IQCH: variants seen among roughly 807,000 people sequenced by gnomAD.
IQCH encodes the protein IQ motif containing H, also known as IQ domain-containing protein H.
Under a neutral mutation model 117.0 loss-of-function variants are expected in IQCH, and 98 were observed. That is an observed-to-expected ratio of 0.84 (90% confidence interval 0.71 to 0.99). The LOEUF (loss-of-function observed/expected upper bound fraction) is 0.99, where lower values mean the gene tolerates loss of function less well. Ranked by LOEUF, IQCH falls within the 50% of genes least tolerant of loss-of-function variation. The pLI is 0.00. For missense variants in IQCH, 1,102 were observed against 1,243.8 expected (o/e 0.89, Z 1.72); for synonymous variants, 412 against 448.2 (o/e 0.92, Z 1.02).
Position 67,469,360 on chromosome 15 carries a change from C to A in IQCH, c.2676+4063C>A, listed in dbSNP as rs947485702. On this transcript the variant is annotated intron_variant, in intron 17 of 20. Transcript: ENST00000335894. ...ACGGGGCCTACAGAAAGGGACTCTGCACCAAGCCTGGCCCAGGCAGCCTCA... is the reference window on the plus strand; with the variant it reads ...ACGGGGCCTACAGAAAGGGACTCTGAACCAAGCCTGGCCCAGGCAGCCTCA... 1.8e-4 allele frequency among the ~76,000 whole-genome samples: 27 copies of A among 152,152 alleles called. 1 individual carries two copies. Among genetic ancestry groups the A allele is most frequent in the African/African-American group, 6.0e-4 (25 of 41,428 alleles).
chr15:67,442,382 C>T lies in IQCH; in HGVS notation c.2505+20805C>T, dbSNP rs576130052. ...CCAAGATCACGCCATTGCACTCCAG[C>T]GTGGGCAACAGGAGCGAAACTCCAT... On this transcript the variant is annotated intron_variant, in intron 16 of 20. Coordinates refer to ENST00000335894, the MANE Select transcript of IQCH (RefSeq NM_001031715.3). Among the ~76,000 whole-genome samples the T allele has an allele frequency of 4.6e-5, 7 of 151,334 alleles. No individual in the cohort carries two copies. The East Asian group carries it at 1.2e-3, about 25-fold the overall frequency.
In IQCH at chr15:67,395,702, CTTTATTTA is replaced by C. The variant is rs66772420; in HGVS notation, c.1905+167_1905+174del. ...ATTTGAGTTGATTTGAGGGAATCTA[CTTTATTTA>C]TTTATTTATTTATTTATTTATTTAT... is the stretch of plus-strand genomic sequence containing the variant. On this transcript the variant is annotated intron_variant, in intron 13 of 20. Coordinates refer to ENST00000335894, the MANE Select transcript of IQCH (RefSeq NM_001031715.3). The surrounding 1 kb of genome is among the most constrained non-coding windows in gnomAD (Gnocchi z 4.0). 2.4e-4 allele frequency: 59 copies of C among 241,912 alleles called. 2 individuals carry two copies. Among genetic ancestry groups the C allele is most frequent in the Middle Eastern group, 1.3e-3 (1 of 768 alleles). 15.0% of individuals were successfully genotyped at this position (241,912 alleles called of 1,614,324 possible). A position where few individuals can be genotyped will look rare whatever the true frequency, so the allele number is the denominator to read the frequency against.
At chr15:67,256,785 A>G (rs979434115) in intron 1 of IQCH, among the ~76,000 whole-genome samples, 11 of 152,166 alleles carry the variant, frequency 7.2e-5, no homozygotes, top group Non-Finnish European at 1.3e-4. Context: ...CTGCACCCCT[A>G]CTTATTTAAA....
At chr15:67,320,370 A>G (rs780870155) in intron 4 of IQCH, among the ~76,000 whole-genome samples, 35 of 152,242 alleles carry the variant, frequency 2.3e-4, no homozygotes, top group African/African-American at 8.0e-4. Flanking sequence ...TCTTTCTTAG[A>G]TCTTAACTGA....
Position 67,431,174 on chromosome 15 carries a change from T to C in IQCH, c.2505+9597T>C, listed in dbSNP as rs748558000. Reference sequence around the variant, plus strand: ...GATGATCTAAGTCTTACAAATATCATGTTGGATTCACCTCAAGTAAATATA... The same window carrying C: ...GATGATCTAAGTCTTACAAATATCACGTTGGATTCACCTCAAGTAAATATA... On this transcript the variant is annotated intron_variant, in intron 16 of 20. Transcript: ENST00000335894. The surrounding 1 kb of genome is among the most constrained non-coding windows in gnomAD (Gnocchi z 4.8). Among the ~76,000 whole-genome samples, 49 of 152,318 alleles carry C rather than the reference T, an allele frequency of 3.2e-4. No individual in the cohort carries two copies. Among genetic ancestry groups the C allele is most frequent in the Non-Finnish European group, 4.9e-4 (33 of 68,034 alleles).
chr15:67,475,913 T>C lies in IQCH; in HGVS notation c.2799+95T>C. 1 of 1,102,802 alleles carries C rather than the reference T, an allele frequency of 9.1e-7. No homozygotes were observed. Among genetic ancestry groups the C allele is most frequent in the Non-Finnish European group, 1.3e-6 (1 of 746,324 alleles). 68.3% of individuals were successfully genotyped at this position (1,102,802 alleles called of 1,614,324 possible). The stretch of plus-strand genomic sequence containing the variant: ...TTGGTGCCCCTTCAGATAGATATTC[T>C]TTAAATACCGGTTTGACGTGTCTGT... On this transcript the variant is annotated intron_variant, in intron 18 of 20. Transcript: ENST00000335894. The surrounding 1 kb of genome is among the most constrained non-coding windows in gnomAD (Gnocchi z 5.7).
At chr15:67,295,645 A>G (rs1179637896) in intron 4 of IQCH, among the ~76,000 whole-genome samples, 1 of 152,204 alleles carries the variant, frequency 6.6e-6, no homozygotes, top group Non-Finnish European at 1.5e-5. Flanking sequence ...GACTTCAGGT[A>G]CATGAGAGGA....
intron 4 of IQCH, among the ~76,000 whole-genome samples, chr15:67,326,901 G>A (rs1968438630): frequency 6.6e-6 from 1 of 151,920 alleles, no homozygotes; most frequent in Non-Finnish European, 1.5e-5. Flanking sequence ...AGTTTACCTT[G>A]CAAGCATTGT....
At chr15:67,331,981 T>A (rs1968686729) in intron 4 of IQCH, among the ~76,000 whole-genome samples, 1 of 152,194 alleles carries the variant, frequency 6.6e-6, no homozygotes. Flanking sequence ...ATTCTGTAAG[T>A]GGACAGACAT....
Position 67,385,089 on chromosome 15 carries a change from T to G in IQCH, c.1456+70T>G. 2.0e-6 allele frequency: 2 copies of G among 978,964 alleles called. No homozygotes were observed. Among genetic ancestry groups the G allele is most frequent in the South Asian group, 3.0e-5 (2 of 67,564 alleles). The allele number at this position is 978,964 out of a possible 1,614,324, so 60.6% of individuals were successfully genotyped here. A position where few individuals can be genotyped will look rare whatever the true frequency, so the allele number is the denominator to read the frequency against. ...CAGTGGATGTTGATAGAATGTGTTGTTTTGTTTGTTTGTTTTTTGCTTATT... is the reference window on the plus strand; with the variant it reads ...CAGTGGATGTTGATAGAATGTGTTGGTTTGTTTGTTTGTTTTTTGCTTATT... On this transcript the variant is annotated intron_variant, in intron 11 of 20. Transcript: ENST00000335894. The surrounding 1 kb of genome is among the most constrained non-coding windows in gnomAD (Gnocchi z 4.6).
chr15:67,323,939 CTTTTT>C (rs530534537), intron 4 of IQCH, among the ~76,000 whole-genome samples: 4 of 64,362 alleles, frequency 6.2e-5, no homozygotes, highest in Admixed American at 2.1e-4. Context: ...TTAAGCATTT[CTTTTT>C]TTTTTTTTTT....
rs183637169 is a variant in IQCH at position 67,486,695 on chromosome 15, A to C, written c.2800-3308A>C. On this transcript the variant is annotated intron_variant, in intron 18 of 20. Coordinates refer to ENST00000335894, the MANE Select transcript of IQCH (RefSeq NM_001031715.3). The stretch of plus-strand genomic sequence containing the variant: ...TGAAAACCACTAATGTAAACCACAG[A>C]GATAATTCAAAATTTTCTTGGAGCA... Among the ~76,000 whole-genome samples, 14 of 152,382 alleles carry C rather than the reference A, an allele frequency of 9.2e-5. No homozygotes were observed. The East Asian group carries it at 2.7e-3, about 29-fold the overall frequency.
At chr15:67,448,744 A>G (rs1041281533) in intron 16 of IQCH, among the ~76,000 whole-genome samples, 1 of 152,130 alleles carries the variant, frequency 6.6e-6, no homozygotes. Context: ...GATATACCCA[A>G]TAATGGGATG....
chr15:67,398,156 C>T (rs928942989), intron 13 of IQCH, among the ~76,000 whole-genome samples: 25 of 151,898 alleles, frequency 1.6e-4, no homozygotes, highest in Admixed American at 6.6e-4. Context: ...TGTTAGTAGT[C>T]GAAACCTGCA....
chr15:67,451,560 C>G (rs1210377110), intron 16 of IQCH, among the ~76,000 whole-genome samples: 1 of 152,114 alleles, frequency 6.6e-6, no homozygotes, highest in African/African-American at 2.4e-5. Flanking sequence ...ATCCTGAGTT[C>G]TAGTTTGATT....
rs1314737004 is a variant in IQCH, at chr15:67,401,227, T to G, written c.2097+922T>G. Among the ~76,000 whole-genome samples the G allele has an allele frequency of 6.6e-6, 1 of 152,206 alleles. No individual in the cohort carries two copies. Among genetic ancestry groups the G allele is most frequent in the Non-Finnish European group, 1.5e-5 (1 of 68,032 alleles). On this transcript the variant is annotated intron_variant, in intron 14 of 20. Transcript: ENST00000335894. The surrounding 1 kb of genome is among the most constrained non-coding windows in gnomAD (Gnocchi z 4.7). Reference sequence around the variant, plus strand: ...TTTTCCATGCACATTTGTGAAGGGATGAATCGTACAACCTTTTAGTCCCTT... The same window carrying G: ...TTTTCCATGCACATTTGTGAAGGGAGGAATCGTACAACCTTTTAGTCCCTT...
Position 67,479,278 on chromosome 15 carries a change from C to T in IQCH, c.2799+3460C>T, listed in dbSNP as rs1351651175. On this transcript the variant is annotated intron_variant, in intron 18 of 20. Coordinates refer to ENST00000335894, the MANE Select transcript of IQCH (RefSeq NM_001031715.3). This position sits in a 1 kb window ranked among gnomAD's most constrained non-coding sequence, Gnocchi z 4.6. ...ACCATATTACAGTGAGGACTTTAGGCTTAAAGATTTTAAGCATTTTCCCAG... is the reference window on the plus strand; with the variant it reads ...ACCATATTACAGTGAGGACTTTAGGTTTAAAGATTTTAAGCATTTTCCCAG... Among the ~76,000 whole-genome samples, 7 of 152,164 alleles carry T rather than the reference C, an allele frequency of 4.6e-5. No individual in the cohort carries two copies. The highest frequency in any genetic ancestry group is 1.4e-4 in the African/African-American group (6 of 41,440).
chr15:67,489,461 A>G lies in IQCH; in HGVS notation c.2800-542A>G, dbSNP rs1272557195. Among the ~76,000 whole-genome samples the G allele has an allele frequency of 2.0e-5, 3 of 151,902 alleles. No individual in the cohort carries two copies. In the East Asian group the frequency reaches 5.8e-4, roughly 30 times the overall value. ...CTGCCTCAGCCTCTGAAGTAGCTGG[A>G]CCACCATGCTACTTTTCACCATACA... is the stretch of plus-strand genomic sequence containing the variant. On this transcript the variant is annotated intron_variant, in intron 18 of 20. Transcript: ENST00000335894.
Position 67,425,950 on chromosome 15 carries a change from T to G in IQCH, c.2505+4373T>G, listed in dbSNP as rs368523416. Reference sequence around the variant, plus strand: ...ATGGGTTGTATTTTGATACTTTCATTGTTTTGATGCTCAGTTGTTCCAGAT... The same window carrying G: ...ATGGGTTGTATTTTGATACTTTCATGGTTTTGATGCTCAGTTGTTCCAGAT... On this transcript the variant is annotated intron_variant, in intron 16 of 20. Coordinates refer to ENST00000335894, the MANE Select transcript of IQCH (RefSeq NM_001031715.3). The surrounding 1 kb of genome is among the most constrained non-coding windows in gnomAD (Gnocchi z 5.5). Among the ~76,000 whole-genome samples, 25 of 152,212 alleles carry G rather than the reference T, an allele frequency of 1.6e-4. 1 individual carries two copies. The highest frequency in any genetic ancestry group is 1.1e-3 in the Admixed American group (17 of 15,288).
Sources: allele counts gnomAD v4.1 joint callset (sites outside exome capture counted in the v4.1 genomes callset), GRCh38; gene constraint gnomAD v4.1.1; non-coding constraint Gnocchi (gnomAD v3.1); transcripts MANE v1.5; gene names NCBI Gene and HGNC (gene_info 2026-07-23, HGNC 2026-07-21).